CTIF: variants seen among roughly 807,000 people sequenced by gnomAD.
CTIF encodes the protein CBP80/20-dependent translation initiation factor.
In CTIF, 21 loss-of-function variants were observed where a neutral mutation model predicts 66.0. The ratio of observed to expected loss-of-function variants is 0.32; its 90% CI spans 0.23 to 0.46. CTIF has a LOEUF of 0.46. Ranked by LOEUF, CTIF falls within the 20% of genes least tolerant of loss-of-function variation. The pLI, the probability that CTIF is intolerant of heterozygous loss-of-function variation, is 1.00. For missense variants in CTIF, 739 were observed against 812.7 expected, an observed-to-expected ratio of 0.91 and a Z score of 1.10; for synonymous variants, 345 against 326.4, an observed-to-expected ratio of 1.06 and a Z score of -0.62.
rs1272883333 is a variant in CTIF at position 48,761,614 on chromosome 18, C to A, written c.1296C>A (p.Ala432=). 1 of 1,614,208 alleles carries A rather than the reference C, an allele frequency of 6.2e-7. No individual in the cohort carries two copies. Among genetic ancestry groups the A allele is most frequent in the African/African-American group, 1.3e-5 (1 of 75,066 alleles). Residue 432 remains alanine (A), a synonymous_variant, in exon 9 of 12, where the codon GCC becomes GCA. Transcript: ENST00000256413. The surrounding 1 kb of genome is among the most constrained non-coding windows in gnomAD (Gnocchi z 4.2). ...VSDRSFAFTA[A]KLCDKMALFM... is the part of the protein sequence containing the mutation. ...ACCGCAGCTTCGCCTTCACCGCTGC[C>A]AAGCTCTGCGACAAGATGGCGCTCT...
chr18:48,710,531 C>A (rs541467822), intron 6 of CTIF, among the ~76,000 whole-genome samples: 7 of 152,282 alleles, frequency 4.6e-5, no homozygotes, highest in African/African-American at 1.4e-4. Context: ...CATGTCCACA[C>A]CAGAACACAC....
Position 48,636,793 on chromosome 18 carries a change from A to G in CTIF, c.252+108A>G, listed in dbSNP as rs1598779685. The G allele has an allele frequency of 5.2e-6, 4 of 769,980 alleles. No homozygotes were observed. The East Asian group carries it at 1.3e-4, about 25-fold the overall frequency. The allele number at this position is 769,980 out of a possible 1,614,324, so 47.7% of individuals were successfully genotyped here. A position where few individuals can be genotyped will look rare whatever the true frequency, so the allele number is the denominator to read the frequency against. ...TGAGGAGTGGTGACATGGAGAGTGC[A>G]GAGAGGTGGGAGAGGGGAGGGGGCA... On this transcript the variant is annotated intron_variant, in intron 3 of 11. Coordinates refer to ENST00000256413, the MANE Select transcript of CTIF (RefSeq NM_014772.3).
intron 6 of CTIF, among the ~76,000 whole-genome samples, chr18:48,702,668 T>A (rs2092099316): frequency 6.6e-6 from 1 of 152,224 alleles, no homozygotes; most frequent in South Asian, 2.1e-4. Context: ...AGCTAAGGTA[T>A]TGTTTTTAAA....
At chr18:48,833,666 AG>A (rs1302178641) in intron 10 of CTIF, among the ~76,000 whole-genome samples, 1 of 152,130 alleles carries the variant, frequency 6.6e-6, no homozygotes, top group Non-Finnish European at 1.5e-5. Flanking sequence ...AGGAACAAAA[AG>A]GGTGCTTGGG....
At chr18:48,634,770 C>T (rs138485349) in intron 2 of CTIF, among the ~76,000 whole-genome samples, 1 of 152,338 alleles carries the variant, frequency 6.6e-6, no homozygotes, top group Non-Finnish European at 1.5e-5. Context: ...GCCTCTGACA[C>T]CGTTGCCACT....
Position 48,861,969 on chromosome 18 carries a change from A to G in CTIF, c.*2410A>G, listed in dbSNP as rs532680832. The G allele has an allele frequency of 7.3e-4, 111 of 151,974 alleles. No individual in the cohort carries two copies. Among genetic ancestry groups the G allele is most frequent in the African/African-American group, 2.6e-3 (108 of 41,224 alleles). 9.4% of individuals were successfully genotyped at this position (151,974 alleles called of 1,614,324 possible). On this transcript the variant is annotated 3_prime_UTR_variant, in exon 12 of 12. Transcript: ENST00000256413. Reference sequence around the variant, plus strand: ...ACTGCTTGAAAGCGCTTCCTAGCCAATCTGAACAACAACACTTTAAGCTGT... The same window carrying G: ...ACTGCTTGAAAGCGCTTCCTAGCCAGTCTGAACAACAACACTTTAAGCTGT...
At chr18:48,624,641 C>A (rs1290993539) in intron 2 of CTIF, among the ~76,000 whole-genome samples, 1 of 152,160 alleles carries the variant, frequency 6.6e-6, no homozygotes, top group Non-Finnish European at 1.5e-5. Flanking sequence ...GTGAGAAATA[C>A]TGATGTACAG....
chr18:48,743,124 A>T (rs2092568553), intron 7 of CTIF, among the ~76,000 whole-genome samples: 1 of 152,250 alleles, frequency 6.6e-6, no homozygotes, highest in Non-Finnish European at 1.5e-5. Context: ...AATTCTGCAC[A>T]TATGCCTCAG....
At position 48,619,542 on chromosome 18, in the gene CTIF, G is replaced by A. The variant is rs73956957; in HGVS notation, c.-24G>A. 1,057 of 1,471,252 alleles carry A rather than the reference G, an allele frequency of 7.2e-4. 5 individuals are homozygous for A. The East Asian group carries it at 8.4e-3, about 12-fold the overall frequency. The allele number at this position is 1,471,252 out of a possible 1,614,324, so 91.1% of individuals were successfully genotyped here. On this transcript the variant is annotated 5_prime_UTR_variant, in exon 2 of 12. Coordinates refer to ENST00000256413, the MANE Select transcript of CTIF (RefSeq NM_014772.3). ...CTCTGTCCTCTTTCCCACCAGTCCC[G>A]GCCCAGGCCCCTGAGCTGGAGGGAT...
chr18:48,853,813 G>C (rs1209494452), intron 10 of CTIF, among the ~76,000 whole-genome samples: 2 of 152,206 alleles, frequency 1.3e-5, no homozygotes, highest in Non-Finnish European at 2.9e-5. Context: ...GATGCAACGT[G>C]ACAGGAGACA....
chr18:48,709,433 G>A (rs2092198796), intron 6 of CTIF, among the ~76,000 whole-genome samples: 1 of 152,266 alleles, frequency 6.6e-6, no homozygotes, highest in South Asian at 2.1e-4. Flanking sequence ...TGCAGGTAAG[G>A]AGGCCAGGAG....
chr18:48,851,537 C>T (rs923706344), intron 10 of CTIF, among the ~76,000 whole-genome samples: 1 of 152,104 alleles, frequency 6.6e-6, no homozygotes, highest in African/African-American at 2.4e-5. Context: ...TGGCTCTTCT[C>T]GAAATTTCTC....
chr18:48,861,173 C>G lies in CTIF; in HGVS notation c.*1614C>G, dbSNP rs993675664. On this transcript the variant is annotated 3_prime_UTR_variant, in exon 12 of 12. Coordinates refer to ENST00000256413, the MANE Select transcript of CTIF (RefSeq NM_014772.3). ...CGAGTGGGGAGAGGCTTCCCCAGTT[C>G]TCTCCAGCTTTCCCTGCAGCTGCAA... 6.6e-6 allele frequency: 1 copy of G among 152,382 alleles called. No individual in the cohort carries two copies. The highest frequency in any genetic ancestry group is 2.4e-5 in the African/African-American group (1 of 41,426). 9.4% of individuals were successfully genotyped at this position (152,382 alleles called of 1,614,324 possible). A position where few individuals can be genotyped will look rare whatever the true frequency, so the allele number is the denominator to read the frequency against.
intron 7 of CTIF, among the ~76,000 whole-genome samples, chr18:48,741,288 T>A (rs188206023): frequency 7.5e-5 from 7 of 93,800 alleles, no homozygotes; most frequent in African/African-American, 1.9e-4. Context: ...CCGCCCCCCC[T>A]CCTTGGTACA....
At chr18:48,646,134 C>T (rs1463919593) in intron 3 of CTIF, among the ~76,000 whole-genome samples, 1 of 152,052 alleles carries the variant, frequency 6.6e-6, no homozygotes, top group Non-Finnish European at 1.5e-5. Flanking sequence ...AGACAAGTTA[C>T]AGAGAGGGAG....
At chr18:48,853,945 G>A (rs2146649055) in intron 10 of CTIF, among the ~76,000 whole-genome samples, 3 of 152,296 alleles carry the variant, frequency 2.0e-5, no homozygotes, top group Middle Eastern at 6.8e-3. Context: ...TAAAACTTTG[G>A]CTCCAGCTCT....
chr18:48,592,923 G>A lies in CTIF; in HGVS notation c.-28-26615G>A, dbSNP rs566656586. 1.2e-4 allele frequency among the ~76,000 whole-genome samples: 18 copies of A among 152,348 alleles called. No homozygotes were observed. In the East Asian group the frequency reaches 3.1e-3, roughly 26 times the overall value. ...TCTTGTTCCGGAGAGGCAGGCTGCC[G>A]CGGATCAGGGAATGGAGGCAGCGGG... On this transcript the variant is annotated intron_variant, in intron 1 of 11. Transcript: ENST00000256413.
intron 3 of CTIF, among the ~76,000 whole-genome samples, chr18:48,639,717 TG>T (rs1441046248): frequency 5.9e-5 from 9 of 152,208 alleles, no homozygotes; most frequent in Admixed American, 5.9e-4. Context: ...CCAGCCTGGA[TG>T]GGCGTTTGGG....
intron 9 of CTIF, among the ~76,000 whole-genome samples, chr18:48,770,916 TG>T (rs976694104): frequency 2.0e-5 from 3 of 152,158 alleles, no homozygotes; most frequent in African/African-American, 7.2e-5. Flanking sequence ...TGGGATGAAC[TG>T]GGAGGCCCTT....
Sources: gnomAD v4.1 joint callset for allele counts (sites outside exome capture counted in the v4.1 genomes callset) on GRCh38, gnomAD v4.1.1 for gene constraint, Gnocchi (gnomAD v3.1) non-coding constraint, MANE v1.5 for transcripts, NCBI Gene and HGNC (gene_info 2026-07-23, HGNC 2026-07-21) for gene names.